Variants in NETO2 observed in about 807,000 individuals in gnomAD.
NETO2 encodes neuropilin and tolloid like 2, also known as neuropilin and tolloid-like protein 2.
Under a neutral mutation model 62.5 loss-of-function variants are expected in NETO2, and 28 were observed. That is an observed-to-expected ratio of 0.45 (90% confidence interval 0.33 to 0.61). The LOEUF (loss-of-function observed/expected upper bound fraction) is 0.61, where lower values mean the gene tolerates loss of function less well. Among genes scored for constraint, NETO2 ranks in the 20% least tolerant of loss-of-function variants. The probability of loss-of-function intolerance (pLI) is 0.02; values close to 1 mark genes in which losing one functional copy is unlikely to be tolerated. For missense variants in NETO2, 548 were observed against 643.2 expected, an observed-to-expected ratio of 0.85 and a Z score of 1.60; for synonymous variants, 214 against 219.1, an observed-to-expected ratio of 0.98 and a Z score of 0.21.
At chr16:47,092,489 T>C (rs577198085) in intron 7 of NETO2, among the ~76,000 whole-genome samples, 1 of 152,308 alleles carries the variant, frequency 6.6e-6, no homozygotes, top group African/African-American at 2.4e-5. Flanking sequence ...GTTTTTATAA[T>C]GATAGCACAC....
chr16:47,136,562 C>T (rs751011697), intron 1 of NETO2, among the ~76,000 whole-genome samples: 18 of 152,138 alleles, frequency 1.2e-4, no homozygotes, highest in Admixed American at 3.3e-4. Flanking sequence ...TGCGCCACCA[C>T]GGCCAGCTCA....
At chr16:47,131,029 CAA>C (rs1596745792) in intron 2 of NETO2, among the ~76,000 whole-genome samples, 1 of 125,918 alleles carries the variant, frequency 7.9e-6, no homozygotes, top group African/African-American at 3.0e-5. Context: ...CCTGAAAAGG[CAA>C]AAGAGAGAAA....
intron 7 of NETO2, among the ~76,000 whole-genome samples, 160 bp downstream of exon 7, chr16:47,109,323 A>G (rs1963738956): frequency 6.6e-6 from 1 of 152,010 alleles, no homozygotes; most frequent in Admixed American, 6.5e-5. Flanking sequence ...AAAATTTAAA[A>G]TATTTTAAAT....
intron 6 of NETO2, among the ~76,000 whole-genome samples, chr16:47,113,229 C>T (rs903212308): frequency 3.3e-5 from 5 of 152,192 alleles, no homozygotes; most frequent in South Asian, 2.1e-4. Context: ...TGAATTCTAA[C>T]GAGACAATTT....
At chr16:47,129,427 C>T in intron 2 of NETO2, 63 bp from the exon 3 acceptor site, 1 of 1,550,352 alleles carries the variant, frequency 6.5e-7, no homozygotes, top group South Asian at 1.1e-5. Flanking sequence ...TTCTCTTTCC[C>T]CCACCACTTT....
At chr16:47,126,059 C>A (rs1462672765) in intron 4 of NETO2, among the ~76,000 whole-genome samples, 1 of 152,156 alleles carries the variant, frequency 6.6e-6, no homozygotes, top group Non-Finnish European at 1.5e-5. Flanking sequence ...ACTTTAAATA[C>A]CTTATATAAA....
At chr16:47,085,385 T>G (rs114127903) in intron 8 of NETO2, among the ~76,000 whole-genome samples, 2 of 152,144 alleles carry the variant, frequency 1.3e-5, no homozygotes, top group African/African-American at 4.8e-5. Flanking sequence ...ATATACTTTT[T>G]TTTTTTTTGG....
intron 6 of NETO2, among the ~76,000 whole-genome samples, chr16:47,114,085 C>T (rs940088076): frequency 3.3e-5 from 5 of 152,210 alleles, no homozygotes; most frequent in South Asian, 4.1e-4. Flanking sequence ...TTTCCCAGAG[C>T]GGCTCTATCA....
At chr16:47,084,449 T>C (rs1963141281) in intron 8 of NETO2, among the ~76,000 whole-genome samples, 2 of 152,200 alleles carry the variant, frequency 1.3e-5, no homozygotes, top group African/African-American at 4.8e-5. Context: ...CATCTGTATC[T>C]GCTGCTGCTC....
rs376641756 is a variant in NETO2, at chr16:47,094,713, A to T, written c.884-8374T>A. On this transcript the variant is annotated intron_variant, in intron 7 of 8. Transcript: ENST00000562435. ...AGTGCTGGGATTACAGGCATGAGCC[A>T]CCGCGCCTGGCCATTTATTTTTTGA... 3.6e-5 allele frequency among the ~76,000 whole-genome samples: 5 copies of T among 140,124 alleles called. No homozygotes were observed. In the East Asian group the frequency reaches 1.1e-3, roughly 31 times the overall value. 91.9% of individuals were successfully genotyped at this position (140,124 alleles called of 152,430 possible). A position where few individuals can be genotyped will look rare whatever the true frequency, so the allele number is the denominator to read the frequency against.
At chr16:47,137,649 C>T (rs756745884) in intron 1 of NETO2, among the ~76,000 whole-genome samples, 4 of 152,200 alleles carry the variant, frequency 2.6e-5, no homozygotes, top group African/African-American at 9.7e-5. Context: ...CATGAAAGTA[C>T]ATTTTCTAAA....
At chr16:47,142,986 C>CCGCGGCGCCCG (rs956997955) in intron 1 of NETO2, among the ~76,000 whole-genome samples, 1 of 151,814 alleles carries the variant, frequency 6.6e-6, no homozygotes, top group Non-Finnish European at 1.5e-5. Flanking sequence ...CAAGCCGGGT[C>CCGCGGCGCCCG]CGCGGCGCCC....
At chr16:47,108,103 CAATAG>C (rs1477313145) in intron 7 of NETO2, among the ~76,000 whole-genome samples, 3 of 151,824 alleles carry the variant, frequency 2.0e-5, no homozygotes, top group African/African-American at 7.2e-5. Context: ...AATATTATAA[CAATAG>C]AATAAAATAA....
rs1432580243 is a variant in NETO2 at position 47,143,738 on chromosome 16, G to A, written c.-126C>T. The A allele has an allele frequency of 1.0e-5, 12 of 1,157,014 alleles. No homozygotes were observed. Among genetic ancestry groups the A allele is most frequent in the African/African-American group, 3.2e-5 (2 of 62,312 alleles). 71.7% of individuals were successfully genotyped at this position (1,157,014 alleles called of 1,614,324 possible). ...ATCGCCGGCCAGCAGCTGCCTCCCCGCTCCCCTGAGGAGAGCTCAGGTCCT... is the reference window on the plus strand; with the variant it reads ...ATCGCCGGCCAGCAGCTGCCTCCCCACTCCCCTGAGGAGAGCTCAGGTCCT... On this transcript the variant is annotated 5_prime_UTR_variant, in exon 1 of 9. Coordinates refer to ENST00000562435, the MANE Select transcript of NETO2 (RefSeq NM_018092.5).
chr16:47,086,774 C>T (rs994788417), intron 7 of NETO2, among the ~76,000 whole-genome samples: 1 of 152,142 alleles, frequency 6.6e-6, no homozygotes, highest in African/African-American at 2.4e-5. Context: ...TATGATCCAG[C>T]AATTTTACTT....
rs766330234 is a variant in NETO2, at chr16:47,128,328, G to A, written c.478C>T (p.Pro160Ser). ...TAAAAGATAACTTATTCTTTACCTG[G>A]AATAAATGAATATTTTGCTCGAAAT... ...LGFRAKYSFI[P>S]DPDFTYLGGI... is the part of the protein sequence containing the mutation. The change falls in exon 4 of 9, where the codon CCA becomes TCA. Residue 160 changes from proline (P) to serine (S), a missense_variant. By Grantham distance (74) the Pro-to-Ser change is moderately conservative. Coordinates refer to ENST00000562435, the MANE Select transcript of NETO2 (RefSeq NM_018092.5). The A allele has an allele frequency of 6.2e-7, 1 of 1,612,736 alleles. No homozygotes were observed. Among genetic ancestry groups the A allele is most frequent in the African/African-American group, 1.3e-5 (1 of 74,938 alleles).
intron 4 of NETO2, among the ~76,000 whole-genome samples, chr16:47,123,284 ATGGTGGTAATAGT>A (rs1185306573): frequency 6.6e-6 from 1 of 152,198 alleles, no homozygotes; most frequent in Non-Finnish European, 1.5e-5. Flanking sequence ...GCTTAAATGG[ATGGTGGTAATAGT>A]TGCATAATAC....
At chr16:47,139,084 C>T (rs748318555) in intron 1 of NETO2, among the ~76,000 whole-genome samples, 1 of 152,154 alleles carries the variant, frequency 6.6e-6, no homozygotes, top group African/African-American at 2.4e-5. Flanking sequence ...GGTTGTCTGT[C>T]TCTTCTCACT....
chr16:47,105,511 A>C (rs1393103177), intron 7 of NETO2, among the ~76,000 whole-genome samples: 7 of 152,218 alleles, frequency 4.6e-5, no homozygotes, highest in Non-Finnish European at 1.5e-5. Context: ...TCAAAATTCA[A>C]AACTTTTGTA....
Sources: allele counts gnomAD v4.1 joint callset (sites outside exome capture counted in the v4.1 genomes callset), GRCh38; gene constraint gnomAD v4.1.1; transcripts MANE v1.5; gene names NCBI Gene and HGNC (gene_info 2026-07-23, HGNC 2026-07-21).